BACH2: variants seen among roughly 807,000 people sequenced by gnomAD.
BACH2 encodes the protein BACH transcriptional regulator 2, also known as transcription regulator protein BACH2.
In BACH2, 5 loss-of-function variants were observed where a neutral mutation model predicts 61.8. The observed-to-expected ratio is 0.08, with a 90% CI of 0.04 to 0.17. BACH2 has a LOEUF of 0.17. Among genes scored for constraint, BACH2 ranks in the 10% least tolerant of loss-of-function variants. BACH2 has a pLI of 1.00. For missense variants in BACH2, 824 were observed against 1,091.1 expected (o/e 0.76, Z 3.45); for synonymous variants, 446 against 440.1 (o/e 1.01, Z -0.17).
At chr6:90,164,283 C>T (rs934132868) in intron 4 of BACH2, among the ~76,000 whole-genome samples, 1 of 152,216 alleles carries the variant, frequency 6.6e-6, no homozygotes, top group Non-Finnish European at 1.5e-5. Flanking sequence ...ATACTACAAA[C>T]ATCTCTACGC....
At chr6:90,265,635 A>G (rs1771299456) in intron 2 of BACH2, among the ~76,000 whole-genome samples, 1 of 152,154 alleles carries the variant, frequency 6.6e-6, no homozygotes, top group Admixed American at 6.5e-5. Flanking sequence ...AACACTTTAG[A>G]CGGCTTGTAA....
At chr6:90,051,980 A>C (rs149488800) in intron 5 of BACH2, among the ~76,000 whole-genome samples, 1 of 152,114 alleles carries the variant, frequency 6.6e-6, no homozygotes, top group South Asian at 2.1e-4. Context: ...AAATTTCCAC[A>C]TATAAGGGGA....
chr6:89,951,160 G>T lies in BACH2; in HGVS notation c.946C>A (p.Pro316Thr), dbSNP rs1349382749. The part of the protein sequence containing the change: ...DVEMDRKQPS[P>T]APTPTAPAGA... ...GCTGGGGCCGTGGGGGTAGGGGCAG[G>T]GCTGGGCTGTTTCCGGTCCATCTCG... The change falls in exon 7 of 9, where the codon CCT (proline) becomes ACT (threonine). Residue 316 changes from proline to threonine, a missense_variant. By Grantham distance (38) the Pro-to-Thr change is conservative (BLOSUM62 -1). This residue lies in a region of BACH2 where 226 missense variants were observed against 228.5 expected (regional missense o/e 0.99). Transcript: ENST00000257749. This position sits in a 1 kb window ranked among gnomAD's most constrained non-coding sequence, Gnocchi z 6.4. 6.2e-7 allele frequency: 1 copy of T among 1,613,486 alleles called. No homozygotes were observed. The highest frequency in any genetic ancestry group is 8.5e-7 in the Non-Finnish European group (1 of 1,179,930).
rs1774032736 is a variant in BACH2, at chr6:89,950,711, A to G, written c.1395T>C (p.Gly465=). Residue 465 remains glycine, a synonymous_variant, in exon 7 of 9, where the codon GGT becomes GGC. Transcript: ENST00000257749. This position sits in a 1 kb window ranked among gnomAD's most constrained non-coding sequence, Gnocchi z 5.3. The part of the protein sequence containing the change: ...DKDLSEPVPK[G]LWVGAGQSLP... ...GGGACTGGCCGGCTCCCACCCACAG[A>G]CCCTTTGGCACCGGCTCAGAGAGGT... The G allele has an allele frequency of 6.2e-7, 1 of 1,613,978 alleles. No homozygotes were observed.
At chr6:90,093,633 A>G (rs936391082) in intron 4 of BACH2, among the ~76,000 whole-genome samples, 21 of 152,198 alleles carry the variant, frequency 1.4e-4, no homozygotes, top group African/African-American at 4.8e-4. Context: ...AGGTGGCTTC[A>G]CATATTAGTT....
intron 5 of BACH2, among the ~76,000 whole-genome samples, chr6:90,035,047 T>C (rs1779195677): frequency 6.6e-6 from 1 of 152,088 alleles, no homozygotes; most frequent in Admixed American, 6.6e-5. Flanking sequence ...AATACACATA[T>C]ATGTATACCT....
chr6:89,978,056 G>A (rs893447214), intron 6 of BACH2, among the ~76,000 whole-genome samples: 3 of 152,104 alleles, frequency 2.0e-5, no homozygotes, highest in Non-Finnish European at 4.4e-5. Context: ...CTATACTTGA[G>A]TGGAATGCTA....
intron 3 of BACH2, among the ~76,000 whole-genome samples, chr6:90,216,273 A>C (rs1296660068): frequency 6.6e-6 from 1 of 152,152 alleles, no homozygotes; most frequent in Non-Finnish European, 1.5e-5. Flanking sequence ...TATTAACGAG[A>C]GTTTCAGCTT....
intron 4 of BACH2, among the ~76,000 whole-genome samples, chr6:90,172,057 C>T (rs1298049522): frequency 6.6e-6 from 1 of 152,014 alleles, no homozygotes; most frequent in Non-Finnish European, 1.5e-5. Context: ...CCTGTAATTC[C>T]AGCACTTTGG....
chr6:90,073,152 C>A (rs1037418735), intron 5 of BACH2, among the ~76,000 whole-genome samples: 1 of 152,200 alleles, frequency 6.6e-6, no homozygotes, highest in African/African-American at 2.4e-5. Context: ...GTACCAATGG[C>A]GTATTCTTGC....
chr6:90,251,213 T>C lies in BACH2; in HGVS notation c.-275+1300A>G, dbSNP rs2127870246. Among the ~76,000 whole-genome samples the C allele has an allele frequency of 2.6e-5, 4 of 152,262 alleles. No individual in the cohort carries two copies. The South Asian group carries it at 8.3e-4, about 32-fold the overall frequency. On this transcript the variant is annotated intron_variant, in intron 3 of 8. Coordinates refer to ENST00000257749, the MANE Select transcript of BACH2 (RefSeq NM_021813.4). ...CAACTTACTGTCCTTTTGATGGCCA[T>C]TTTTTCCTAAAAACCTCAGTGTTGA...
chr6:90,092,873 C>T (rs1276334773), intron 4 of BACH2, among the ~76,000 whole-genome samples: 4 of 152,072 alleles, frequency 2.6e-5, no homozygotes, highest in Admixed American at 6.6e-5. Context: ...TGATGTAGGA[C>T]GTGGCCATGG....
chr6:89,965,046 G>A (rs764948887), intron 6 of BACH2, among the ~76,000 whole-genome samples: 10 of 152,122 alleles, frequency 6.6e-5, no homozygotes, highest in South Asian at 2.1e-4. Flanking sequence ...CACCACACCT[G>A]GCTAATTTTT....
At chr6:90,241,931 T>G (rs1339079644) in intron 3 of BACH2, among the ~76,000 whole-genome samples, 1 of 151,478 alleles carries the variant, frequency 6.6e-6, no homozygotes. Flanking sequence ...TCTATCCTGA[T>G]TTTCTTTTTT....
At chr6:90,114,756 C>A (rs1322922093) in intron 4 of BACH2, among the ~76,000 whole-genome samples, 1 of 152,086 alleles carries the variant, frequency 6.6e-6, no homozygotes, top group African/African-American at 2.4e-5. Context: ...TGATTCTACA[C>A]CTAGAAAACC....
At chr6:89,934,546 C>A (rs1772888180) in intron 8 of BACH2, among the ~76,000 whole-genome samples, 1 of 152,054 alleles carries the variant, frequency 6.6e-6, no homozygotes, top group African/African-American at 2.4e-5. Flanking sequence ...ATAATCCCAG[C>A]TACTTAGGCG....
At position 89,983,281 on chromosome 6, in the gene BACH2, G is replaced by A. The variant is rs188137771; in HGVS notation, c.243+25321C>T. Among the ~76,000 whole-genome samples, 5 of 152,268 alleles carry A rather than the reference G, an allele frequency of 3.3e-5. No homozygotes were observed. In the East Asian group the frequency reaches 7.7e-4, roughly 23 times the overall value. ...ATCATATTTATTGAGTACCTACTAT[G>A]TGCTCAGCTCTGTGAAAAGGCAGGC... On this transcript the variant is annotated intron_variant, in intron 6 of 8. Coordinates refer to ENST00000257749, the MANE Select transcript of BACH2 (RefSeq NM_021813.4).
chr6:90,187,166 G>C (rs572241149), intron 4 of BACH2, among the ~76,000 whole-genome samples: 4 of 152,342 alleles, frequency 2.6e-5, no homozygotes, highest in South Asian at 4.1e-4. Flanking sequence ...GCAATACTGA[G>C]AGGCTTGGGT....
chr6:90,184,240 T>C (rs1768268760), intron 4 of BACH2, among the ~76,000 whole-genome samples: 1 of 152,302 alleles, frequency 6.6e-6, no homozygotes, highest in Non-Finnish European at 1.5e-5. Context: ...GTGGAGATAT[T>C]TGTAGCTAGA....
Sources: gnomAD v4.1 joint callset for allele counts (sites outside exome capture counted in the v4.1 genomes callset) on GRCh38, gnomAD v4.1.1 for gene constraint, gnomAD v4.1.1 regional missense constraint, Gnocchi (gnomAD v3.1) non-coding constraint, MANE v1.5 for transcripts, NCBI Gene and HGNC (gene_info 2026-07-23, HGNC 2026-07-21) for gene names.